USP31: variants seen among roughly 807,000 people sequenced by gnomAD.
USP31 encodes ubiquitin specific peptidase 31, also known as ubiquitin carboxyl-terminal hydrolase 31.
In USP31, 44 loss-of-function variants were observed where a neutral mutation model predicts 119.4. The ratio of observed to expected loss-of-function variants is 0.37; its 90% CI spans 0.29 to 0.47. The LOEUF is 0.47. USP31 is among the 20% of genes least tolerant of loss of function. USP31 has a pLI of 0.99. For missense variants in USP31, 1,643 were observed against 1,730.2 expected, an observed-to-expected ratio of 0.95 and a Z score of 0.89; for synonymous variants, 749 against 705.6, an observed-to-expected ratio of 1.06 and a Z score of -0.97.
In USP31 at chr16:23,126,151, A is replaced by G. The variant is rs528750252; in HGVS notation, c.634-17968T>C. ...GGCAATATACCAAGAATCTGTCTCT[A>G]CAAGAAAAAAAAAAAGTTTTAATTA... On this transcript the variant is annotated intron_variant, in intron 1 of 15. Coordinates refer to ENST00000219689, the MANE Select transcript of USP31 (RefSeq NM_020718.4). Among the ~76,000 whole-genome samples the G allele has an allele frequency of 3.4e-3, 510 of 151,716 alleles. 1 individual carries two copies. Among genetic ancestry groups the G allele is most frequent in the Non-Finnish European group, 5.8e-3 (395 of 67,882 alleles).
In USP31 at chr16:23,099,116, G is replaced by A. The variant is rs187939371; in HGVS notation, c.1234+3203C>T. On this transcript the variant is annotated intron_variant, in intron 6 of 15. Transcript: ENST00000219689. Reference sequence around the variant, plus strand: ...TCCAGAATCTATAAAGAACTCAAACGAATTTACAAGAAAAAAACAACCCCA... The same window carrying A: ...TCCAGAATCTATAAAGAACTCAAACAAATTTACAAGAAAAAAACAACCCCA... Among the ~76,000 whole-genome samples, 283 of 151,988 alleles carry A rather than the reference G, an allele frequency of 1.9e-3. 4 individuals carry two copies. Among genetic ancestry groups the A allele is most frequent in the African/African-American group, 6.3e-3 (260 of 41,502 alleles).
intron 1 of USP31, among the ~76,000 whole-genome samples, chr16:23,146,169 T>C (rs1338381203): frequency 6.9e-6 from 1 of 144,678 alleles, no homozygotes. Context: ...TACTAGGCTC[T>C]GACCTCGAAA....
intron 1 of USP31, among the ~76,000 whole-genome samples, chr16:23,135,747 CA>C: frequency 6.6e-6 from 1 of 152,090 alleles, no homozygotes; most frequent in Non-Finnish European, 1.5e-5. Context: ...GTTAAGATGA[CA>C]ATATTACCCA....
chr16:23,128,059 CCA>C (rs1447713379), intron 1 of USP31, among the ~76,000 whole-genome samples: 2 of 152,130 alleles, frequency 1.3e-5, no homozygotes, highest in Non-Finnish European at 2.9e-5. Flanking sequence ...GAGGAACAAG[CCA>C]CAGATACAAG....
At chr16:23,106,158 G>A (rs138877165) in intron 4 of USP31, 55 bp downstream of exon 4, 55 of 1,598,032 alleles carry the variant, frequency 3.4e-5, no homozygotes, top group Non-Finnish European at 4.3e-5. Flanking sequence ...AGCCTACAGA[G>A]GCAAAGGGAT....
At position 23,106,235 on chromosome 16, in the gene USP31, G is replaced by C. The variant is rs1902098332; in HGVS notation, c.931C>G (p.Pro311Ala). 1 of 1,614,014 alleles carries C rather than the reference G, an allele frequency of 6.2e-7. No homozygotes were observed. The highest frequency in any genetic ancestry group is 1.3e-5 in the African/African-American group (1 of 74,906). ...TACCTTGTGTGGGGCAGAGGAATTG[G>C]CAAAGAAATGCAAAGGAAAGGATCA... ...TFDPFLCISL[P>A]IPLPHTRPLY... The change falls in exon 4 of 16, where the codon CCA becomes GCA. Residue 311 changes from proline to alanine, a missense_variant. Coordinates refer to ENST00000219689, the MANE Select transcript of USP31 (RefSeq NM_020718.4).
chr16:23,114,245 A>G (rs547703622), intron 1 of USP31, among the ~76,000 whole-genome samples: 2 of 152,242 alleles, frequency 1.3e-5, no homozygotes, highest in South Asian at 2.1e-4. Flanking sequence ...GCATGCAGAT[A>G]AGCCAGAGAC....
At chr16:23,074,793 T>C (rs954010882) in intron 13 of USP31, among the ~76,000 whole-genome samples, 13 of 152,288 alleles carry the variant, frequency 8.5e-5, no homozygotes, top group Admixed American at 5.9e-4. Context: ...AGACGAAAAC[T>C]TAAGAGTTCA....
chr16:23,075,497 G>A (rs527844432), intron 13 of USP31, among the ~76,000 whole-genome samples: 1 of 152,002 alleles, frequency 6.6e-6, no homozygotes. Context: ...TATTCTCTAG[G>A]CCAGTGCTAC....
chr16:23,142,370 G>A (rs1438585150), intron 1 of USP31, among the ~76,000 whole-genome samples: 16 of 152,178 alleles, frequency 1.1e-4, no homozygotes, highest in Non-Finnish European at 2.9e-5. Context: ...TGGCACAAAC[G>A]TGAAGCTAGC....
chr16:23,092,324 T>C (rs1901400987), intron 6 of USP31, among the ~76,000 whole-genome samples: 1 of 152,234 alleles, frequency 6.6e-6, no homozygotes, highest in Non-Finnish European at 1.5e-5. Context: ...GGGAACAGGA[T>C]TTTGAGAAAC....
At position 23,069,064 on chromosome 16, in the gene USP31, G is replaced by A. The variant is rs1185450177; in HGVS notation, c.3041C>T (p.Ser1014Leu). Residue 1014 changes from serine to leucine, a missense_variant, in exon 16 of 16, where the codon TCA becomes TTA. Coordinates refer to ENST00000219689, the MANE Select transcript of USP31 (RefSeq NM_020718.4). Reference protein sequence around the residue: ...KEVKAPSHPGSLAKKPESTTK... With the variant: ...KEVKAPSHPGLLAKKPESTTK... ...TGTGCTCTCTGGTTTCTTTGCGAGT[G>A]AGCCTGGGTGGCTGGGGGCTTTCAC... 4 of 1,612,484 alleles carry A rather than the reference G, an allele frequency of 2.5e-6. No homozygotes were observed. The highest frequency in any genetic ancestry group is 3.4e-6 in the Non-Finnish European group (4 of 1,180,028).
chr16:23,067,894 GACACACACACGCATACACTCACACAC>G lies in USP31; in HGVS notation c.*126_*151del. Reference sequence around the variant, plus strand: ...CTTTGAACAATTTGCAATTGAATTAGACACACACACGCATACACTCACACACACACACACAGTCGGGCACGTGACTC... The same window carrying G: ...CTTTGAACAATTTGCAATTGAATTAGACACACACAGTCGGGCACGTGACTC... On this transcript the variant is annotated 3_prime_UTR_variant, in exon 16 of 16. Transcript: ENST00000219689. 1.0e-6 allele frequency: 1 copy of G among 979,796 alleles called. No homozygotes were observed. The highest frequency in any genetic ancestry group is 1.7e-5 in the African/African-American group (1 of 59,840). The allele number at this position is 979,796 out of a possible 1,614,324, so 60.7% of individuals were successfully genotyped here. A position where few individuals can be genotyped will look rare whatever the true frequency, so the allele number is the denominator to read the frequency against.
Position 23,065,235 on chromosome 16 carries a change from G to A in USP31, c.*2811C>T, listed in dbSNP as rs956939349. On this transcript the variant is annotated 3_prime_UTR_variant, in exon 16 of 16. Transcript: ENST00000219689. ...TAATCAGGCCCATCTAGATGTCAACGAGAAACCCAGGCCTATCATCCCTAG... is the reference window on the plus strand; with the variant it reads ...TAATCAGGCCCATCTAGATGTCAACAAGAAACCCAGGCCTATCATCCCTAG... 2.0e-5 allele frequency: 3 copies of A among 150,566 alleles called. No homozygotes were observed. The highest frequency in any genetic ancestry group is 4.9e-5 in the African/African-American group (2 of 40,802). 9.3% of individuals were successfully genotyped at this position (150,566 alleles called of 1,614,324 possible).
At chr16:23,106,789 CTCT>C (rs1902125763) in intron 2 of USP31, among the ~76,000 whole-genome samples, 1 of 152,090 alleles carries the variant, frequency 6.6e-6, no homozygotes, top group Non-Finnish European at 1.5e-5. Context: ...TCCCAATCTC[CTCT>C]AATAAGTAAT....
Position 23,065,415 on chromosome 16 carries a change from C to T in USP31, c.*2631G>A, listed in dbSNP as rs1900026479. 6.6e-6 allele frequency: 1 copy of T among 152,468 alleles called. No individual in the cohort carries two copies. The highest frequency in any genetic ancestry group is 6.5e-5 in the Admixed American group (1 of 15,282). The allele number at this position is 152,468 out of a possible 1,614,324, so 9.4% of individuals were successfully genotyped here. A position where few individuals can be genotyped will look rare whatever the true frequency, so the allele number is the denominator to read the frequency against. On this transcript the variant is annotated 3_prime_UTR_variant, in exon 16 of 16. Coordinates refer to ENST00000219689, the MANE Select transcript of USP31 (RefSeq NM_020718.4). ...AAATTGAATCAAGTAACTACTTTCC[C>T]ACAAGATACTTCCCACCTCAAGGAG... is the stretch of plus-strand genomic sequence containing the variant.
chr16:23,073,633 T>A, intron 14 of USP31, 89 bp downstream of exon 14: 3 of 1,455,340 alleles, frequency 2.1e-6, no homozygotes, highest in Non-Finnish European at 1.9e-6. Context: ...ACTGACAGAG[T>A]CATGAGAGCC....
At chr16:23,088,486 T>C (rs1299243101) in intron 7 of USP31, among the ~76,000 whole-genome samples, 1 of 152,206 alleles carries the variant, frequency 6.6e-6, no homozygotes, top group African/African-American at 2.4e-5. Context: ...GTGGTTCTAA[T>C]ATGCAGCCAA....
At chr16:23,091,104 C>T (rs1287237911) in intron 6 of USP31, among the ~76,000 whole-genome samples, 2 of 151,924 alleles carry the variant, frequency 1.3e-5, no homozygotes, top group Non-Finnish European at 2.9e-5. Context: ...AGATGATTCA[C>T]CAAGAAAATT....
Sources: allele counts gnomAD v4.1 joint callset (sites outside exome capture counted in the v4.1 genomes callset), GRCh38; gene constraint gnomAD v4.1.1; transcripts MANE v1.5; gene names NCBI Gene and HGNC (gene_info 2026-07-23, HGNC 2026-07-21).